NKAIN2: variants seen among roughly 807,000 people sequenced by gnomAD.
The protein encoded by NKAIN2 is sodium/potassium-transporting ATPase subunit beta-1-interacting protein 2.
A neutral mutation model predicts 32.6 loss-of-function variants in NKAIN2; 14 were observed. The observed-to-expected ratio is 0.43, with a 90% CI of 0.28 to 0.67. NKAIN2 has a LOEUF of 0.67. Ranked by LOEUF, NKAIN2 falls within the 30% of genes least tolerant of loss-of-function variation. NKAIN2 has a pLI of 0.17. For missense variants in NKAIN2, 198 were observed against 258.3 expected, an observed-to-expected ratio of 0.77 and a Z score of 1.60; for synonymous variants, 80 against 87.2, an observed-to-expected ratio of 0.92 and a Z score of 0.46.
At chr6:124,352,508 T>G (rs78256780) in intron 2 of NKAIN2, among the ~76,000 whole-genome samples, 1,793 of 152,322 alleles carry the variant, frequency 0.012, 33 homozygotes, top group African/African-American at 0.041. Context: ...TTTTAAATAC[T>G]ATATTGGAAA....
At chr6:124,696,446 T>G (rs1450791612) in intron 4 of NKAIN2, among the ~76,000 whole-genome samples, 5 of 152,052 alleles carry the variant, frequency 3.3e-5, no homozygotes, top group Non-Finnish European at 7.4e-5. Flanking sequence ...CAGAGTTTTC[T>G]CCCTGCCGCA....
chr6:124,384,544 G>A (rs555603538), intron 3 of NKAIN2, among the ~76,000 whole-genome samples: 13 of 152,260 alleles, frequency 8.5e-5, no homozygotes, highest in Middle Eastern at 3.4e-3. Flanking sequence ...AAAAATTATT[G>A]AGATGAGCAA....
intron 1 of NKAIN2, among the ~76,000 whole-genome samples, chr6:124,228,706 C>G (rs909979687): frequency 2.6e-5 from 4 of 152,128 alleles, no homozygotes; most frequent in African/African-American, 9.7e-5. Context: ...GAAAGAAAGT[C>G]TCTTACCCAT....
At chr6:124,590,862 T>C (rs1781885345) in intron 3 of NKAIN2, among the ~76,000 whole-genome samples, 1 of 152,122 alleles carries the variant, frequency 6.6e-6, no homozygotes, top group African/African-American at 2.4e-5. Context: ...TTGGAGTGGC[T>C]GAAGGGAAAC....
chr6:124,780,546 G>T (rs1156964985), intron 4 of NKAIN2, among the ~76,000 whole-genome samples: 1 of 152,180 alleles, frequency 6.6e-6, no homozygotes, highest in Non-Finnish European at 1.5e-5. Flanking sequence ...TAGAGGAACT[G>T]CCAGAGATTT....
chr6:124,575,233 G>T (rs559055785), intron 3 of NKAIN2, among the ~76,000 whole-genome samples: 4 of 152,104 alleles, frequency 2.6e-5, no homozygotes, highest in African/African-American at 4.8e-5. Flanking sequence ...CACTGGCAAG[G>T]TCTGTCCCCT....
intron 3 of NKAIN2, among the ~76,000 whole-genome samples, chr6:124,627,749 T>C (rs1253005884): frequency 1.3e-5 from 2 of 152,098 alleles, no homozygotes; most frequent in Non-Finnish European, 2.9e-5. Flanking sequence ...GTCGTCTTAG[T>C]TATTTCAGCT....
At chr6:124,796,899 T>C (rs1780022405) in intron 5 of NKAIN2, among the ~76,000 whole-genome samples, 1 of 152,194 alleles carries the variant, frequency 6.6e-6, no homozygotes, top group African/African-American at 2.4e-5. Context: ...GCTTTCCTTA[T>C]GGCCTCCCGT....
intron 3 of NKAIN2, among the ~76,000 whole-genome samples, chr6:124,365,770 GA>G: frequency 6.6e-6 from 1 of 152,060 alleles, no homozygotes; most frequent in South Asian, 2.1e-4. Context: ...TCAAAATGTA[GA>G]AAGTCAAATT....
chr6:124,166,390 G>T (rs1788544048), intron 1 of NKAIN2, among the ~76,000 whole-genome samples: 4 of 151,984 alleles, frequency 2.6e-5, no homozygotes, highest in African/African-American at 9.7e-5. Flanking sequence ...TAAATTGGTT[G>T]GAGTTCATTG....
intron 1 of NKAIN2, among the ~76,000 whole-genome samples, chr6:124,163,976 G>A (rs563935749): frequency 2.6e-5 from 4 of 152,102 alleles, no homozygotes; most frequent in Admixed American, 2.0e-4. Flanking sequence ...GAAGTGAACT[G>A]AGTCCTTAGT....
intron 2 of NKAIN2, among the ~76,000 whole-genome samples, chr6:124,331,550 A>G (rs1401441150): frequency 2.0e-5 from 3 of 147,936 alleles, no homozygotes. Flanking sequence ...AAAAAAAAAA[A>G]TCATTTCCCT....
intron 4 of NKAIN2, among the ~76,000 whole-genome samples, chr6:124,700,088 C>T (rs189019902): frequency 2.6e-5 from 4 of 152,194 alleles, no homozygotes; most frequent in East Asian, 1.9e-4. Context: ...GATGATTTAT[C>T]GATATATTTT....
At chr6:124,536,005 T>C (rs1779697871) in intron 3 of NKAIN2, among the ~76,000 whole-genome samples, 1 of 152,224 alleles carries the variant, frequency 6.6e-6, no homozygotes, top group African/African-American at 2.4e-5. Context: ...CAGCTAGCCA[T>C]GGCAGGTCAG....
At chr6:124,104,036 G>A (rs905715624) in intron 1 of NKAIN2, among the ~76,000 whole-genome samples, 6 of 152,108 alleles carry the variant, frequency 3.9e-5, no homozygotes, top group Admixed American at 3.3e-4. Flanking sequence ...CAGTGAGCTT[G>A]AGATTGCGCC....
In NKAIN2 at chr6:123,899,238, C is replaced by T. The variant is rs544470997; in HGVS notation, c.54+94984C>T. ...GTGAAATTTTAATACAGGTTTAAGG[C>T]TCAGAGGCTCACACTTGAGCCATTA... is the stretch of plus-strand genomic sequence containing the variant. On this transcript the variant is annotated intron_variant, in intron 1 of 6. Coordinates refer to ENST00000368417, the MANE Select transcript of NKAIN2 (RefSeq NM_001040214.3). Among the ~76,000 whole-genome samples, 9 of 152,326 alleles carry T rather than the reference C, an allele frequency of 5.9e-5. No homozygotes were observed. The South Asian group carries it at 1.9e-3, about 32-fold the overall frequency.
At chr6:124,518,545 G>A (rs1057165170) in intron 3 of NKAIN2, among the ~76,000 whole-genome samples, 1 of 152,026 alleles carries the variant, frequency 6.6e-6, no homozygotes, top group South Asian at 2.1e-4. Context: ...GTGAGGAGGT[G>A]CCACACACTT....
chr6:124,123,997 A>T (rs1786024316), intron 1 of NKAIN2, among the ~76,000 whole-genome samples: 1 of 127,498 alleles, frequency 7.8e-6, no homozygotes, highest in African/African-American at 3.1e-5. Context: ...AGGATGAGTG[A>T]TCACAGTCTT....
chr6:124,517,189 A>C, intron 3 of NKAIN2, among the ~76,000 whole-genome samples: 1 of 152,168 alleles, frequency 6.6e-6, no homozygotes, highest in East Asian at 1.9e-4. Flanking sequence ...CAACTAAATT[A>C]TTGGTCATGA....
Sources: gnomAD v4.1 joint callset for allele counts (sites outside exome capture counted in the v4.1 genomes callset) on GRCh38, gnomAD v4.1.1 for gene constraint, MANE v1.5 for transcripts, NCBI Gene and HGNC (gene_info 2026-07-23, HGNC 2026-07-21) for gene names.